The following CLYBL variants were observed in gnomAD, a reference collection of about 807,000 sequenced individuals.
CLYBL encodes the protein citramalyl-CoA lyase.
Under a neutral mutation model 38.9 loss-of-function variants are expected in CLYBL, and 31 were observed. The ratio of observed to expected loss-of-function variants is 0.80; its 90% CI spans 0.60 to 1.08. CLYBL has a LOEUF of 1.08. Ranked by LOEUF, CLYBL falls within the 50% of genes least tolerant of loss-of-function variation. The pLI, the probability that CLYBL is intolerant of heterozygous loss-of-function variation, is 0.00. For synonymous variants in CLYBL, 171 were observed against 158.6 expected (o/e 1.08, Z -0.59); for missense variants, 434 against 411.6 (o/e 1.05, Z -0.47).
At chr13:99,832,227 A>G (rs1566345262) in intron 2 of CLYBL, among the ~76,000 whole-genome samples, 1 of 152,210 alleles carries the variant, frequency 6.6e-6, no homozygotes, top group Admixed American at 6.5e-5. Flanking sequence ...TTAGGGAAAC[A>G]CTGAAAACAA....
chr13:99,638,607 A>G lies in CLYBL; in HGVS notation c.62+31850A>G, dbSNP rs569509278. Among the ~76,000 whole-genome samples the G allele has an allele frequency of 5.9e-5, 9 of 152,360 alleles. No individual in the cohort carries two copies. In the South Asian group the frequency reaches 1.7e-3, roughly 28 times the overall value. On this transcript the variant is annotated intron_variant, in intron 1 of 8. Coordinates refer to ENST00000339105, the MANE Select transcript of CLYBL (RefSeq NM_206808.5). ...AAAATCTGTAGCCACATACCTGTGTACATTTTTTGAGAGCTTACTATGCTC... is the reference window on the plus strand; with the variant it reads ...AAAATCTGTAGCCACATACCTGTGTGCATTTTTTGAGAGCTTACTATGCTC...
chr13:99,815,317 A>G (rs9585231), intron 2 of CLYBL, among the ~76,000 whole-genome samples: 25 of 148,198 alleles, frequency 1.7e-4, no homozygotes, highest in African/African-American at 5.2e-4. Flanking sequence ...GGTGTAGATG[A>G]GGGGATGGAT....
chr13:99,659,996 C>T (rs2047386323), intron 1 of CLYBL, among the ~76,000 whole-genome samples: 1 of 152,120 alleles, frequency 6.6e-6, no homozygotes, highest in Non-Finnish European at 1.5e-5. Context: ...AAAAAAACTT[C>T]CCTTGCCTGT....
chr13:99,903,705 G>A (rs1476496995), intron 8 of CLYBL, among the ~76,000 whole-genome samples: 5 of 152,078 alleles, frequency 3.3e-5, no homozygotes, highest in East Asian at 3.9e-4. Context: ...CGTGAGGTTC[G>A]CGTCCCGTAT....
chr13:99,749,563 A>G (rs2048917387), intron 1 of CLYBL, among the ~76,000 whole-genome samples: 1 of 152,212 alleles, frequency 6.6e-6, no homozygotes, highest in South Asian at 2.1e-4. Context: ...GTGGACCACA[A>G]ACTGGCTTCC....
intron 8 of CLYBL, among the ~76,000 whole-genome samples, chr13:99,904,414 A>C (rs7318038): frequency 0.16 from 23,676 of 152,180 alleles, 2,157 homozygotes; most frequent in African/African-American, 0.24. Context: ...AGTTTCCATA[A>C]TTATGTTTGG....
chr13:99,743,665 C>T (rs1021263996), intron 1 of CLYBL, among the ~76,000 whole-genome samples: 1 of 152,180 alleles, frequency 6.6e-6, no homozygotes, highest in African/African-American at 2.4e-5. Context: ...TGGTTCGGCT[C>T]TGTGGTGAGC....
intron 1 of CLYBL, among the ~76,000 whole-genome samples, chr13:99,676,403 T>C (rs2047652050): frequency 6.8e-6 from 1 of 146,328 alleles, no homozygotes; most frequent in Non-Finnish European, 1.5e-5. Context: ...TCCACCTCAT[T>C]TGTTCTCATG....
chr13:99,775,978 A>G (rs1291629614), intron 2 of CLYBL, among the ~76,000 whole-genome samples: 1 of 151,880 alleles, frequency 6.6e-6, no homozygotes, highest in Non-Finnish European at 1.5e-5. Context: ...CCTGGCTAAC[A>G]TGGTGAAACC....
intron 2 of CLYBL, among the ~76,000 whole-genome samples, chr13:99,795,911 C>G (rs1420554663): frequency 6.6e-6 from 1 of 152,146 alleles, no homozygotes; most frequent in East Asian, 1.9e-4. Context: ...AGGCTGATAA[C>G]CTGGCCCAAC....
chr13:99,794,722 G>T (rs2138908688), intron 2 of CLYBL, among the ~76,000 whole-genome samples: 1 of 151,914 alleles, frequency 6.6e-6, no homozygotes, highest in South Asian at 2.1e-4. Flanking sequence ...CTCCCGAGTA[G>T]TTGGGATTAC....
intron 1 of CLYBL, among the ~76,000 whole-genome samples, chr13:99,665,230 G>A (rs1193874877): frequency 2.0e-5 from 3 of 151,864 alleles, no homozygotes; most frequent in African/African-American, 7.2e-5. Context: ...AGGAAAATCT[G>A]ATTAGTGTTT....
chr13:99,707,563 C>T (rs2048165543), intron 1 of CLYBL, among the ~76,000 whole-genome samples: 1 of 152,134 alleles, frequency 6.6e-6, no homozygotes, highest in Non-Finnish European at 1.5e-5. Flanking sequence ...TGAGCCATTG[C>T]ACCCAGCCTG....
intron 2 of CLYBL, among the ~76,000 whole-genome samples, chr13:99,780,422 C>T (rs1217571094): frequency 6.6e-6 from 1 of 152,134 alleles, no homozygotes. Flanking sequence ...GCTCTGTCAC[C>T]CAGGCTGGAG....
chr13:99,858,128 G>T (rs1394488680), intron 2 of CLYBL, among the ~76,000 whole-genome samples: 2 of 152,144 alleles, frequency 1.3e-5, no homozygotes, highest in Non-Finnish European at 1.5e-5. Flanking sequence ...TAGTTTTTCT[G>T]GGGACAATTC....
chr13:99,661,165 G>A (rs2047403165), intron 1 of CLYBL, among the ~76,000 whole-genome samples: 1 of 151,970 alleles, frequency 6.6e-6, no homozygotes, highest in South Asian at 2.1e-4. Context: ...TGATTACCAA[G>A]TTATTTGGTC....
intron 1 of CLYBL, among the ~76,000 whole-genome samples, chr13:99,657,583 G>T (rs1305702525): frequency 6.6e-6 from 1 of 152,154 alleles, no homozygotes; most frequent in Admixed American, 6.6e-5. Context: ...TAAACAGATT[G>T]TAGTTAGATC....
chr13:99,622,913 C>T (rs994664866), intron 1 of CLYBL, among the ~76,000 whole-genome samples: 1 of 152,144 alleles, frequency 6.6e-6, no homozygotes, highest in African/African-American at 2.4e-5. Flanking sequence ...CTCACTGTAG[C>T]CTTGGACTCC....
chr13:99,864,703 G>A (rs2051695152), intron 4 of CLYBL, 115 bp from the exon 5 acceptor site: 5 of 716,578 alleles, frequency 7.0e-6, no homozygotes, highest in South Asian at 6.8e-5. Context: ...TTTTAGGACT[G>A]CTTTCAGCCA....
Sources: gnomAD v4.1 joint callset for allele counts (sites outside exome capture counted in the v4.1 genomes callset) on GRCh38, gnomAD v4.1.1 for gene constraint, MANE v1.5 for transcripts, NCBI Gene and HGNC (gene_info 2026-07-23, HGNC 2026-07-21) for gene names.